The following WDFY3 variants were observed in gnomAD, a reference collection of about 807,000 sequenced individuals.
The protein encoded by WDFY3 is WD repeat and FYVE domain-containing protein 3.
Under a neutral mutation model 409.6 loss-of-function variants are expected in WDFY3, and 66 were observed. The ratio of observed to expected loss-of-function variants is 0.16; its 90% CI spans 0.13 to 0.20. WDFY3 has a LOEUF of 0.20. Among genes scored for constraint, WDFY3 ranks in the 10% least tolerant of loss-of-function variants. The pLI, the probability that WDFY3 is intolerant of heterozygous loss-of-function variation, is 1.00. For missense variants in WDFY3, 3,031 were observed against 4,298.1 expected (o/e 0.71, Z 8.24); for synonymous variants, 1,521 against 1,537.1 (o/e 0.99, Z 0.25).
chr4:84,960,773 T>C (rs1277231170), intron 1 of WDFY3, among the ~76,000 whole-genome samples: 2 of 151,610 alleles, frequency 1.3e-5, no homozygotes, highest in Non-Finnish European at 2.9e-5. Context: ...CCACTGCAAC[T>C]GGCAGGTTAC....
intron 30 of WDFY3, among the ~76,000 whole-genome samples, chr4:84,767,615 C>T (rs937432288): frequency 1.7e-4 from 25 of 149,324 alleles, no homozygotes; most frequent in African/African-American, 3.7e-4. Context: ...CCAGTGAACA[C>T]GCAATGATAA....
chr4:84,760,052 T>C (rs1742251276), intron 32 of WDFY3, among the ~76,000 whole-genome samples: 1 of 151,806 alleles, frequency 6.6e-6, no homozygotes, highest in Admixed American at 6.6e-5. Flanking sequence ...TCTGCATCTA[T>C]TGAGATAATC....
rs190073824 is a variant in WDFY3, at chr4:84,707,796, T to C, written c.8217+1113A>G. On this transcript the variant is annotated intron_variant, in intron 53 of 67. Coordinates refer to ENST00000295888, the MANE Select transcript of WDFY3 (RefSeq NM_014991.6). ...CCTTTTATTATTTATTTATTGTGCA[T>C]TAGGTATGCAAATTAACTATACAAG... Among the ~76,000 whole-genome samples the C allele has an allele frequency of 3.4e-3, 515 of 152,344 alleles. 4 individuals are homozygous for C. Among genetic ancestry groups the C allele is most frequent in the African/African-American group, 0.012 (496 of 41,586 alleles).
At chr4:84,690,368 C>G (rs1253414626) in intron 61 of WDFY3, 138 bp downstream of exon 61, 1 of 1,213,036 alleles carries the variant, frequency 8.2e-7, no homozygotes, top group African/African-American at 1.5e-5. Flanking sequence ...AAAAGTATTT[C>G]TAGCAACAGA....
At chr4:84,916,288 T>A (rs1478148163) in intron 2 of WDFY3, among the ~76,000 whole-genome samples, 1 of 152,040 alleles carries the variant, frequency 6.6e-6, no homozygotes, top group Non-Finnish European at 1.5e-5. Flanking sequence ...TGCAGCAACA[T>A]CCTCCCATCA....
chr4:84,690,652 A>C lies in WDFY3; in HGVS notation c.9217T>G (p.Tyr3073Asp), dbSNP rs1325408806. The C allele has an allele frequency of 6.2e-7, 1 of 1,613,622 alleles. No individual in the cohort carries two copies. Among genetic ancestry groups the C allele is most frequent in the South Asian group, 1.1e-5 (1 of 91,024 alleles). The change falls in exon 61 of 68, where the codon TAT becomes GAT. Residue 3073 changes from tyrosine to aspartate, a missense_variant. Tyr to Asp is a radical substitution (Grantham distance 160, BLOSUM62 -3). Transcript: ENST00000295888. ...TYESDKAMTV[Y>D]ECLSEWGQIL... is the part of the protein sequence containing the mutation. ...TGGCCCCACTCAGACAAGCATTCATAAACAGTCATGGCCTATAAAGTAAAA... is the reference window on the plus strand; with the variant it reads ...TGGCCCCACTCAGACAAGCATTCATCAACAGTCATGGCCTATAAAGTAAAA...
intron 17 of WDFY3, among the ~76,000 whole-genome samples, chr4:84,800,579 A>G (rs1750338230): frequency 6.6e-6 from 1 of 152,208 alleles, no homozygotes; most frequent in Admixed American, 6.5e-5. Flanking sequence ...TAGTGAAGAG[A>G]CAATCTGAAA....
chr4:84,820,300 G>C (rs1753873283), intron 11 of WDFY3, 114 bp from the exon 12 acceptor site: 7 of 756,788 alleles, frequency 9.2e-6, no homozygotes, highest in Admixed American at 3.0e-5. Flanking sequence ...ACCCCTAATA[G>C]GACAGATATA....
chr4:84,947,160 G>A (rs1772955633), intron 1 of WDFY3, among the ~76,000 whole-genome samples: 1 of 151,892 alleles, frequency 6.6e-6, no homozygotes, highest in Admixed American at 6.6e-5. Context: ...GGCAGAGAGA[G>A]ACTAAATCTT....
chr4:84,786,015 C>T lies in WDFY3; in HGVS notation c.4026G>A (p.Val1342=). Residue 1342 remains valine (V), a synonymous_variant, in exon 24 of 68, where the codon GTG becomes GTA. Coordinates refer to ENST00000295888, the MANE Select transcript of WDFY3 (RefSeq NM_014991.6). ...SSLTVARIRK[V]YNKLDSKAIA... ...TGGCTTTGCTATCCAATTTGTTATA[C>T]ACTTTCCGGATTCTTGCCACTGTTA... 6.2e-7 allele frequency: 1 copy of T among 1,613,900 alleles called. No homozygotes were observed. The highest frequency in any genetic ancestry group is 8.5e-7 in the Non-Finnish European group (1 of 1,179,922).
Position 84,672,859 on chromosome 4 carries a change from G to A in WDFY3, c.*9C>T, listed in dbSNP as rs1254036298. The A allele has an allele frequency of 6.2e-7, 1 of 1,613,170 alleles. No individual in the cohort carries two copies. Among genetic ancestry groups the A allele is most frequent in the Admixed American group, 1.7e-5 (1 of 59,972 alleles). ...ACAGACCATGGTCTCCACTCAGCTT[G>A]TTGAATCTTCAACAATTTCGAGGCC... On this transcript the variant is annotated 3_prime_UTR_variant, in exon 68 of 68. Transcript: ENST00000295888.
At chr4:84,718,711 C>T (rs1734364836) in intron 47 of WDFY3, 141 bp from the exon 48 acceptor site, 1 of 1,024,640 alleles carries the variant, frequency 9.8e-7, no homozygotes, top group East Asian at 2.6e-5. Context: ...AGATTACAGT[C>T]TGATTTACAT....
intron 40 of WDFY3, among the ~76,000 whole-genome samples, 180 bp from the exon 41 acceptor site, chr4:84,737,546 CTG>C (rs777565830): frequency 3.6e-4 from 55 of 151,950 alleles, no homozygotes; most frequent in Non-Finnish European, 6.5e-4. Context: ...ACAACTGAAA[CTG>C]TGGTTGCCTA....
Position 84,841,276 on chromosome 4 carries a change from A to G in WDFY3, c.305-13T>C, listed in dbSNP as rs766704723. On this transcript the variant is annotated splice_polypyrimidine_tract_variant and intron_variant, in intron 5 of 67. Coordinates refer to ENST00000295888, the MANE Select transcript of WDFY3 (RefSeq NM_014991.6). ...CGACTTGCAGCCTCTATAAAACCAA[A>G]GGGAAAGCCATTAAGTGGGGGAAAA... 7 of 1,605,344 alleles carry G rather than the reference A, an allele frequency of 4.4e-6. No homozygotes were observed. The Admixed American group carries it at 1.2e-4, about 28-fold the overall frequency.
At chr4:84,763,123 AG>A (rs1450751404) in intron 32 of WDFY3, among the ~76,000 whole-genome samples, 1 of 152,174 alleles carries the variant, frequency 6.6e-6, no homozygotes, top group Non-Finnish European at 1.5e-5. Context: ...ATTAATCTTA[AG>A]GAATATTTAA....
intron 64 of WDFY3, among the ~76,000 whole-genome samples, chr4:84,680,689 A>C (rs906513638): frequency 7.2e-5 from 11 of 152,238 alleles, no homozygotes; most frequent in Non-Finnish European, 7.3e-5. Context: ...CTGTGTCTGC[A>C]AATGAACATG....
At chr4:84,700,555 A>T (rs1364587004) in intron 56 of WDFY3, among the ~76,000 whole-genome samples, 1 of 152,190 alleles carries the variant, frequency 6.6e-6, no homozygotes, top group Non-Finnish European at 1.5e-5. Flanking sequence ...ATAATTTGTT[A>T]TGAGGGTGAA....
chr4:84,725,650 C>T (rs1578261176), intron 45 of WDFY3, among the ~76,000 whole-genome samples: 1 of 152,118 alleles, frequency 6.6e-6, no homozygotes, highest in African/African-American at 2.4e-5. Context: ...CTAAATATGA[C>T]TTTACTTTCC....
rs2150572170 is a variant in WDFY3, at chr4:84,896,950, A to G, written c.-71T>C. On this transcript the variant is annotated 5_prime_UTR_variant, in exon 3 of 68. Coordinates refer to ENST00000295888, the MANE Select transcript of WDFY3 (RefSeq NM_014991.6). Reference sequence around the variant, plus strand: ...TTGGGTAACAGGTTCTGAATGTGTGAGCACAATAGGGCCCATTCGCTTGAA... The same window carrying G: ...TTGGGTAACAGGTTCTGAATGTGTGGGCACAATAGGGCCCATTCGCTTGAA... 6.6e-6 allele frequency: 1 copy of G among 152,336 alleles called. No individual in the cohort carries two copies. The highest frequency in any genetic ancestry group is 1.5e-5 in the Non-Finnish European group (1 of 68,024). The allele number at this position is 152,336 out of a possible 1,614,324, so 9.4% of individuals were successfully genotyped here. A position where few individuals can be genotyped will look rare whatever the true frequency, so the allele number is the denominator to read the frequency against.
Sources: allele counts gnomAD v4.1 joint callset (sites outside exome capture counted in the v4.1 genomes callset), GRCh38; gene constraint gnomAD v4.1.1; transcripts MANE v1.5; gene names NCBI Gene and HGNC (gene_info 2026-07-23, HGNC 2026-07-21).